Variants in ACAD9 observed in about 807,000 individuals in gnomAD.
ACAD9 encodes acyl-CoA dehydrogenase family member 9.
ACAD9 carries 53 observed loss-of-function variants against 70.2 expected under a neutral mutation model. The ratio of observed to expected loss-of-function variants is 0.75; its 90% CI spans 0.61 to 0.95. The LOEUF (loss-of-function observed/expected upper bound fraction) is 0.95. Among genes scored for constraint, ACAD9 ranks in the 40% least tolerant of loss-of-function variants. ACAD9 has a pLI of 0.00. For synonymous variants in ACAD9, 313 were observed against 312.1 expected, an observed-to-expected ratio of 1.00 and a Z score of -0.03; for missense variants, 777 against 802.8, an observed-to-expected ratio of 0.97 and a Z score of 0.39.
Position 128,910,131 on chromosome 3 carries a change from C to G in ACAD9, c.1674C>G (p.Leu558=). Residue 558 remains leucine (L), a synonymous_variant, in exon 16 of 18, where the codon CTC becomes CTG. Coordinates refer to ENST00000308982, the MANE Select transcript of ACAD9 (RefSeq NM_014049.5). ...SRASRSIRIG[L]RNHDHEVLLA... ...CCAGCCGCTCCATCCGCATTGGGCT[C>G]CGCAACCACGACCACGAGGTGAGCC... The G allele has an allele frequency of 6.2e-7, 1 of 1,614,072 alleles. No individual in the cohort carries two copies.
chr3:128,890,267 G>A (rs749285897), intron 2 of ACAD9, among the ~76,000 whole-genome samples: 20 of 152,128 alleles, frequency 1.3e-4, no homozygotes, highest in African/African-American at 4.6e-4. Context: ...GGTATTTTGA[G>A]TAGAGAAGGG....
intron 16 of ACAD9, chr3:128,910,460 T>A: frequency 1.1e-6 from 1 of 925,962 alleles, no homozygotes; most frequent in Non-Finnish European, 1.6e-6. Context: ...GGACCCACTG[T>A]ATACCAGGAT....
At chr3:128,912,121 A>AT (rs1936391635) in intron 17 of ACAD9, among the ~76,000 whole-genome samples, 1 of 152,010 alleles carries the variant, frequency 6.6e-6, no homozygotes. Context: ...GTGGCATATG[A>AT]TTTTTTGCAG....
rs1935514559 is a variant in ACAD9 at position 128,894,566 on chromosome 3, ACT to A, written c.347-741_347-740del. ...TTTTTTTTTTTTGAGACAGGGTCTC[ACT>A]CTGTCATCCAGGCTGGAGTGCAGTG... is the stretch of plus-strand genomic sequence containing the variant. On this transcript the variant is annotated intron_variant, in intron 3 of 17. Coordinates refer to ENST00000308982, the MANE Select transcript of ACAD9 (RefSeq NM_014049.5). Among the ~76,000 whole-genome samples, 4 of 138,670 alleles carry A rather than the reference ACT, an allele frequency of 2.9e-5. No homozygotes were observed. The South Asian group carries it at 8.9e-4, about 31-fold the overall frequency. 91.0% of individuals were successfully genotyped at this position (138,670 alleles called of 152,430 possible).
chr3:128,896,637 T>C, intron 5 of ACAD9, 101 bp downstream of exon 5: 1 of 1,166,928 alleles, frequency 8.6e-7, no homozygotes, highest in Non-Finnish European at 1.3e-6. Flanking sequence ...TGACTTTTCC[T>C]TCTTTCCAAA....
At chr3:128,891,408 G>A (rs780930090) in intron 2 of ACAD9, among the ~76,000 whole-genome samples, 3 of 151,982 alleles carry the variant, frequency 2.0e-5, no homozygotes, top group Non-Finnish European at 4.4e-5. Context: ...ATCACCTGAG[G>A]TCAGGAGTTC....
chr3:128,902,545 C>T lies in ACAD9; in HGVS notation c.883-8C>T. 6.2e-7 allele frequency: 1 copy of T among 1,614,210 alleles called. No homozygotes were observed. Among genetic ancestry groups the T allele is most frequent in the Non-Finnish European group, 8.5e-7 (1 of 1,180,018 alleles). On this transcript the variant is annotated splice_region_variant and splice_polypyrimidine_tract_variant and intron_variant, in intron 8 of 17. Coordinates refer to ENST00000308982, the MANE Select transcript of ACAD9 (RefSeq NM_014049.5). The surrounding 1 kb of genome is among the most constrained non-coding windows in gnomAD (Gnocchi z 4.0). ...AGGGCCCCTGGGCTCTCCCTGTTCT[C>T]CCTGCAGGTGGCCATGAACATCCTC...
At chr3:128,910,386 C>G (rs1936143796) in intron 16 of ACAD9, 31 of 1,443,734 alleles carry the variant, frequency 2.1e-5, no homozygotes, top group Non-Finnish European at 2.6e-5. Context: ...TGCCCCTACC[C>G]CCAGCAAGGG....
chr3:128,911,571 G>A (rs980071918), intron 17 of ACAD9, among the ~76,000 whole-genome samples: 1 of 152,006 alleles, frequency 6.6e-6, no homozygotes, highest in East Asian at 1.9e-4. Flanking sequence ...CTGAGTAGTT[G>A]GGATTATAGG....
chr3:128,894,687 C>T (rs552378407), intron 3 of ACAD9, among the ~76,000 whole-genome samples: 228 of 151,980 alleles, frequency 1.5e-3, no homozygotes, highest in Non-Finnish European at 2.1e-3. Context: ...AGGCGTGCGC[C>T]GCCATGCCTG....
rs199961338 is a variant in ACAD9 at position 128,890,134 on chromosome 3, CT to C, written c.245-3412del. Among the ~76,000 whole-genome samples, 16 of 150,782 alleles carry C rather than the reference CT, an allele frequency of 1.1e-4. No homozygotes were observed. In the East Asian group the frequency reaches 2.4e-3, roughly 22 times the overall value. On this transcript the variant is annotated intron_variant, in intron 2 of 17. Coordinates refer to ENST00000308982, the MANE Select transcript of ACAD9 (RefSeq NM_014049.5). ...AACCACTGCGCCTGGCCTGTATTTCCTTTTTTTTTGAGATGCCATCTCGACT... is the reference window on the plus strand; with the variant it reads ...AACCACTGCGCCTGGCCTGTATTTCCTTTTTTTTGAGATGCCATCTCGACT...
intron 8 of ACAD9, 24 bp downstream of exon 8, chr3:128,901,373 T>C (rs780731902): frequency 9.5e-5 from 153 of 1,613,564 alleles, no homozygotes; most frequent in Non-Finnish European, 1.3e-4. Context: ...CACAGCCCCT[T>C]GTACCAGGTA....
chr3:128,906,346 G>C, intron 12 of ACAD9, 97 bp downstream of exon 12: 3 of 1,570,460 alleles, frequency 1.9e-6, no homozygotes, highest in Non-Finnish European at 2.6e-6. Flanking sequence ...CCGCAGCCCA[G>C]GGCTGGGTCG....
intron 16 of ACAD9, 107 bp downstream of exon 16, chr3:128,910,256 G>C: frequency 6.4e-7 from 1 of 1,563,662 alleles, no homozygotes; most frequent in Non-Finnish European, 8.6e-7. Flanking sequence ...GGGGGAGGCT[G>C]TGCAGGTTCA....
At chr3:128,903,898 C>T (rs766896736) in intron 9 of ACAD9, among the ~76,000 whole-genome samples, 164 bp from the exon 10 acceptor site, 22 of 152,154 alleles carry the variant, frequency 1.4e-4, no homozygotes, top group Non-Finnish European at 2.4e-4. Flanking sequence ...CTCTGACCCA[C>T]GGGTGCTGGC....
intron 15 of ACAD9, 114 bp downstream of exon 15, chr3:128,909,535 A>T (rs894584443): frequency 1.5e-5 from 18 of 1,170,982 alleles, no homozygotes; most frequent in South Asian, 2.5e-5. Context: ...AGAAATGTTG[A>T]TCACCCTGGA....
chr3:128,890,867 A>G (rs1935401280), intron 2 of ACAD9, among the ~76,000 whole-genome samples: 1 of 150,198 alleles, frequency 6.7e-6, no homozygotes, highest in Non-Finnish European at 1.5e-5. Context: ...TTTGAGACGA[A>G]GTCTCACTGT....
intron 2 of ACAD9, among the ~76,000 whole-genome samples, chr3:128,890,390 C>G (rs1935384607): frequency 6.6e-6 from 1 of 152,186 alleles, no homozygotes; most frequent in Non-Finnish European, 1.5e-5. Flanking sequence ...CCAGCCTGGC[C>G]TGTATTTTAT....
rs565163351 is a variant in ACAD9, at chr3:128,892,508, ATTGT to A, written c.245-1045_245-1042del. 3.1e-3 allele frequency among the ~76,000 whole-genome samples: 465 copies of A among 152,252 alleles called. 2 individuals are homozygous for A. The highest frequency in any genetic ancestry group is 0.011 in the African/African-American group (442 of 41,512). ...TTATAGGTCTAATGCTATGCTATTG[ATTGT>A]TCAGTTTTGCTGTAGTGAATGTGAA... is the stretch of plus-strand genomic sequence containing the variant. On this transcript the variant is annotated intron_variant, in intron 2 of 17. Coordinates refer to ENST00000308982, the MANE Select transcript of ACAD9 (RefSeq NM_014049.5).
Sources: gnomAD v4.1 joint callset for allele counts (sites outside exome capture counted in the v4.1 genomes callset) on GRCh38, gnomAD v4.1.1 for gene constraint, Gnocchi (gnomAD v3.1) non-coding constraint, MANE v1.5 for transcripts, NCBI Gene and HGNC (gene_info 2026-07-23, HGNC 2026-07-21) for gene names.